The following CHN2 variants were observed in gnomAD, a reference collection of about 807,000 sequenced individuals.
The protein encoded by CHN2 is chimerin 2.
In CHN2, 35 loss-of-function variants were observed where a neutral mutation model predicts 56.3. That is an observed-to-expected ratio of 0.62 (90% CI 0.47 to 0.82). CHN2 has a LOEUF of 0.82. CHN2 is among the 40% of genes least tolerant of loss of function. The pLI is 0.00. For missense variants in CHN2, 491 were observed against 580.5 expected (o/e 0.85, Z 1.58); for synonymous variants, 210 against 212.8 (o/e 0.99, Z 0.12).
At chr7:29,464,786 G>T (rs780125910) in intron 6 of CHN2, among the ~76,000 whole-genome samples, 4 of 152,206 alleles carry the variant, frequency 2.6e-5, no homozygotes, top group Admixed American at 6.5e-5. Context: ...GGAACAGGGA[G>T]CTCCATCTGC....
At chr7:29,459,473 G>A (rs901697686) in intron 6 of CHN2, among the ~76,000 whole-genome samples, 27 of 152,094 alleles carry the variant, frequency 1.8e-4, no homozygotes, top group African/African-American at 4.1e-4. Flanking sequence ...TTCCGAGCTC[G>A]CCTCCCCTGC....
chr7:29,146,901 C>T (rs918780395), exon 2 of CHN2: 37 of 1,551,190 alleles, frequency 2.4e-5, no homozygotes, highest in Non-Finnish European at 3.2e-5. Context: ...GTGTTTGATT[C>T]CCACTGTTTA....
chr7:29,481,961 T>C (rs1308369972), intron 7 of CHN2, among the ~76,000 whole-genome samples: 1 of 152,188 alleles, frequency 6.6e-6, no homozygotes, highest in African/African-American at 2.4e-5. Flanking sequence ...CAAATATACA[T>C]AGTTGATATT....
At chr7:29,387,276 T>G (rs1284985024) in intron 3 of CHN2, among the ~76,000 whole-genome samples, 1 of 152,204 alleles carries the variant, frequency 6.6e-6, no homozygotes, top group African/African-American at 2.4e-5. Flanking sequence ...TAGCTCATTT[T>G]TATAACCCCA....
Position 29,347,972 on chromosome 7 carries a change from A to T in CHN2, c.50-6653A>T, listed in dbSNP as rs892074686. 7.2e-5 allele frequency among the ~76,000 whole-genome samples: 11 copies of T among 152,220 alleles called. No homozygotes were observed. The East Asian group carries it at 2.1e-3, about 29-fold the overall frequency. ...TATTCACAGAACAAAATCTGGAAGG[A>T]TTCACACAAATCTCTTAATGGTGCT... On this transcript the variant is annotated intron_variant, in intron 1 of 12. Coordinates refer to ENST00000222792, the MANE Select transcript of CHN2 (RefSeq NM_004067.4).
At chr7:29,479,700 G>T (rs1786917769) in intron 6 of CHN2, 3 of 1,054,076 alleles carry the variant, frequency 2.8e-6, no homozygotes, top group Middle Eastern at 4.6e-4. Flanking sequence ...TGGCTGGGGG[G>T]TGTGTGCGCT....
intron 3 of CHN2, among the ~76,000 whole-genome samples, chr7:29,376,805 A>AATATTTT (rs1344775011): frequency 2.0e-5 from 3 of 152,006 alleles, no homozygotes; most frequent in Admixed American, 2.0e-4. Context: ...ACCCTTTAAA[A>AATATTTT]ATATTTTGTC....
chr7:29,163,447 A>G (rs1193521709), intron 2 of CHN2, among the ~76,000 whole-genome samples: 5 of 152,282 alleles, frequency 3.3e-5, no homozygotes, highest in East Asian at 1.9e-4. Flanking sequence ...TTATATTTCT[A>G]TTTCCTGCTC....
At chr7:29,484,733 A>T (rs766661720) in intron 7 of CHN2, among the ~76,000 whole-genome samples, 3 of 152,210 alleles carry the variant, frequency 2.0e-5, no homozygotes, top group Non-Finnish European at 4.4e-5. Context: ...TTCGGGGGAT[A>T]TACGATGCAA....
chr7:29,442,729 T>G (rs540520051), intron 6 of CHN2, among the ~76,000 whole-genome samples: 44 of 152,254 alleles, frequency 2.9e-4, no homozygotes, highest in African/African-American at 1.0e-3. Context: ...CAATTTATAC[T>G]GGGCATGTAT....
intron 12 of CHN2, among the ~76,000 whole-genome samples, chr7:29,511,784 T>C (rs1791454543): frequency 6.6e-6 from 1 of 152,146 alleles, no homozygotes; most frequent in South Asian, 2.1e-4. Context: ...TTTACATCTA[T>C]TATGAACATT....
At chr7:29,455,122 C>T (rs3847003) in intron 6 of CHN2, among the ~76,000 whole-genome samples, 5 of 152,098 alleles carry the variant, frequency 3.3e-5, no homozygotes, top group African/African-American at 7.2e-5. Flanking sequence ...TTCCAGGCTA[C>T]GGATGTAATG....
At chr7:29,345,700 G>A (rs890658161) in intron 1 of CHN2, among the ~76,000 whole-genome samples, 9 of 152,156 alleles carry the variant, frequency 5.9e-5, no homozygotes, top group South Asian at 2.1e-4. Context: ...GGACTGGCTC[G>A]TTGCATTTAT....
intron 10 of CHN2, 54 bp downstream of exon 10, chr7:29,504,875 G>A: frequency 7.9e-7 from 1 of 1,266,678 alleles, no homozygotes; most frequent in South Asian, 1.2e-5. Flanking sequence ...CTTCTCGATT[G>A]GAAGTAGGTT....
intron 1 of CHN2, among the ~76,000 whole-genome samples, chr7:29,282,372 A>C (rs1260964411): frequency 1.3e-5 from 2 of 152,210 alleles, no homozygotes; most frequent in Non-Finnish European, 2.9e-5. Context: ...GCTTACAGCT[A>C]CAGCTGTTGG....
chr7:29,164,795 A>C (rs1029041741), intron 2 of CHN2, among the ~76,000 whole-genome samples: 31 of 151,746 alleles, frequency 2.0e-4, no homozygotes, highest in Middle Eastern at 3.4e-3. Context: ...AAAAAAAAAA[A>C]AAAAAACAAA....
chr7:29,366,454 G>C (rs1402538544), intron 2 of CHN2, among the ~76,000 whole-genome samples: 9 of 152,180 alleles, frequency 5.9e-5, no homozygotes, highest in Admixed American at 5.9e-4. Context: ...CCAATGGAAA[G>C]AGATAGCACA....
At chr7:29,341,501 CTA>C (rs1491503668) in intron 1 of CHN2, among the ~76,000 whole-genome samples, 5 of 151,950 alleles carry the variant, frequency 3.3e-5, no homozygotes, top group African/African-American at 9.7e-5. Context: ...AATAGTATCT[CTA>C]TTGACAATGA....
chr7:29,353,631 CAAAA>C (rs1050295306), intron 1 of CHN2, among the ~76,000 whole-genome samples: 1 of 149,750 alleles, frequency 6.7e-6, no homozygotes, highest in Non-Finnish European at 1.5e-5. Flanking sequence ...GACTCTGTCT[CAAAA>C]AAAAAGAAAG....
Sources: allele counts gnomAD v4.1 joint callset (sites outside exome capture counted in the v4.1 genomes callset), GRCh38; gene constraint gnomAD v4.1.1; transcripts MANE v1.5; gene names NCBI Gene and HGNC (gene_info 2026-07-23, HGNC 2026-07-21).